CFAP299: variants seen among roughly 807,000 people sequenced by gnomAD.
CFAP299 encodes the protein cilia- and flagella-associated protein 299.
CFAP299 carries 21 observed loss-of-function variants against 27.0 expected under a neutral mutation model. The ratio of observed to expected loss-of-function variants is 0.78; its 90% CI spans 0.55 to 1.12. The LOEUF is 1.12. Among genes scored for constraint, CFAP299 ranks in the 50% most tolerant of loss-of-function variants. CFAP299 has a pLI of 0.00. For missense variants in CFAP299, 310 were observed against 276.6 expected (o/e 1.12, Z -0.86); for synonymous variants, 104 against 98.1 (o/e 1.06, Z -0.36).
intron 2 of CFAP299, among the ~76,000 whole-genome samples, chr4:80,552,741 G>T (rs570159372): frequency 1.3e-5 from 2 of 152,210 alleles, no homozygotes; most frequent in African/African-American, 4.8e-5. Flanking sequence ...AGGCTAGAGC[G>T]CAATGGCATG....
chr4:80,784,270 G>C (rs1203721591), intron 3 of CFAP299, among the ~76,000 whole-genome samples: 1 of 152,082 alleles, frequency 6.6e-6, no homozygotes, highest in Admixed American at 6.6e-5. Flanking sequence ...TCATACAGTA[G>C]TTCCATTTTT....
At chr4:80,404,349 C>G (rs1726310536) in intron 2 of CFAP299, among the ~76,000 whole-genome samples, 1 of 152,104 alleles carries the variant, frequency 6.6e-6, no homozygotes, top group Non-Finnish European at 1.5e-5. Context: ...GTTAATTATA[C>G]TCACCTCGCT....
chr4:80,800,479 T>A (rs1229348826), intron 3 of CFAP299, among the ~76,000 whole-genome samples: 1 of 5,344 alleles, frequency 1.9e-4, no homozygotes. Context: ...TATAATATAT[T>A]ATATAATATA....
At chr4:80,449,914 A>T (rs1003126298) in intron 2 of CFAP299, among the ~76,000 whole-genome samples, 13 of 152,128 alleles carry the variant, frequency 8.5e-5, no homozygotes, top group Non-Finnish European at 2.9e-5. Flanking sequence ...AATTCACAAG[A>T]TGAAATTCAT....
chr4:80,324,614 C>T, the CFAP299 span, among the ~76,000 whole-genome samples: 7 of 152,126 alleles, frequency 4.6e-5, no homozygotes, highest in Admixed American at 2.0e-4. Context: ...TTGCTGCCAC[C>T]GTCTCCTCTG....
intron 3 of CFAP299, among the ~76,000 whole-genome samples, chr4:80,769,422 T>A (rs1726082661): frequency 6.6e-6 from 1 of 152,154 alleles, no homozygotes; most frequent in South Asian, 2.1e-4. Context: ...TGAAACAGGG[T>A]CTCACTCTAT....
At chr4:80,390,864 T>C (rs938140562) in intron 2 of CFAP299, among the ~76,000 whole-genome samples, 2 of 128,432 alleles carry the variant, frequency 1.6e-5, no homozygotes, top group East Asian at 2.2e-4. Flanking sequence ...TATATGTATA[T>C]GCGCACATAT....
At chr4:80,441,556 C>G (rs1728357509) in intron 2 of CFAP299, among the ~76,000 whole-genome samples, 1 of 152,176 alleles carries the variant, frequency 6.6e-6, no homozygotes, top group Admixed American at 6.5e-5. Context: ...CTGAAGGCTG[C>G]ACTAAATATG....
At chr4:80,935,950 C>T (rs1244444872) in intron 4 of CFAP299, among the ~76,000 whole-genome samples, 4 of 152,078 alleles carry the variant, frequency 2.6e-5, no homozygotes, top group Admixed American at 1.3e-4. Flanking sequence ...AGCCAACAAG[C>T]ATATGAAGAA....
At chr4:80,633,784 C>T (rs2109950644) in intron 3 of CFAP299, among the ~76,000 whole-genome samples, 1 of 152,150 alleles carries the variant, frequency 6.6e-6, no homozygotes, top group African/African-American at 2.4e-5. Context: ...TATTGCTTTG[C>T]TCAGAAACCA....
intron 5 of CFAP299, among the ~76,000 whole-genome samples, chr4:80,958,009 G>A (rs566515762): frequency 6.6e-6 from 1 of 152,234 alleles, no homozygotes; most frequent in African/African-American, 2.4e-5. Flanking sequence ...CTGTCTGGAA[G>A]TATTCATAAG....
At chr4:80,529,319 G>A (rs1733346822) in intron 2 of CFAP299, among the ~76,000 whole-genome samples, 1 of 151,988 alleles carries the variant, frequency 6.6e-6, no homozygotes, top group Non-Finnish European at 1.5e-5. Context: ...GTTTAGTCAT[G>A]TAAACAGCTT....
chr4:80,813,449 G>A (rs1259429280), intron 3 of CFAP299, among the ~76,000 whole-genome samples: 1 of 151,950 alleles, frequency 6.6e-6, no homozygotes, highest in East Asian at 1.9e-4. Flanking sequence ...CAGGAGAGTT[G>A]TATATTAAAC....
intron 3 of CFAP299, among the ~76,000 whole-genome samples, chr4:80,611,278 T>C (rs1246046051): frequency 3.3e-5 from 5 of 152,054 alleles, no homozygotes; most frequent in Non-Finnish European, 1.5e-5. Context: ...TCTCCACTTT[T>C]AGATACCTTC....
chr4:80,819,358 G>C (rs1729583916), intron 3 of CFAP299, among the ~76,000 whole-genome samples: 1 of 152,130 alleles, frequency 6.6e-6, no homozygotes, highest in Non-Finnish European at 1.5e-5. Context: ...TTCTGGTTAG[G>C]AGTCTTAAGA....
intron 2 of CFAP299, among the ~76,000 whole-genome samples, chr4:80,539,775 A>C (rs1733913510): frequency 6.6e-6 from 1 of 152,216 alleles, no homozygotes; most frequent in South Asian, 2.1e-4. Flanking sequence ...ACACATTTTG[A>C]ACACCTCCCC....
chr4:80,672,750 G>T (rs1172181300), intron 3 of CFAP299, among the ~76,000 whole-genome samples: 1 of 152,158 alleles, frequency 6.6e-6, no homozygotes, highest in Non-Finnish European at 1.5e-5. Flanking sequence ...ATGTGTCCAA[G>T]AATTTATCCA....
At chr4:80,756,374 A>G (rs1378114963) in intron 3 of CFAP299, among the ~76,000 whole-genome samples, 13 of 152,116 alleles carry the variant, frequency 8.5e-5, no homozygotes, top group African/African-American at 2.9e-4. Flanking sequence ...ACTAGCCACC[A>G]TCAATGAACT....
intron 2 of CFAP299, among the ~76,000 whole-genome samples, chr4:80,425,064 C>T (rs1023916076): frequency 3.3e-5 from 5 of 151,980 alleles, no homozygotes; most frequent in East Asian, 3.9e-4. Flanking sequence ...CTAAGACATA[C>T]GGTATGTCTG....
Sources: gnomAD v4.1 joint callset for allele counts (sites outside exome capture counted in the v4.1 genomes callset) on GRCh38, gnomAD v4.1.1 for gene constraint, MANE v1.5 for transcripts, NCBI Gene and HGNC (gene_info 2026-07-23, HGNC 2026-07-21) for gene names.